RALYL: variants seen among roughly 807,000 people sequenced by gnomAD.
RALYL encodes the protein RNA-binding Raly-like protein.
In RALYL, 29 loss-of-function variants were observed where a neutral mutation model predicts 35.1. The ratio of observed to expected loss-of-function variants is 0.83; its 90% CI spans 0.61 to 1.13. The LOEUF (loss-of-function observed/expected upper bound fraction) is 1.13, where lower values mean the gene tolerates loss of function less well. Among genes scored for constraint, RALYL ranks in the 50% most tolerant of loss-of-function variants. RALYL has a pLI of 0.00. For synonymous variants in RALYL, 120 were observed against 127.6 expected (o/e 0.94, Z 0.40); for missense variants, 359 against 360.4 (o/e 1.00, Z 0.03).
At position 84,469,451 on chromosome 8, in the gene RALYL, G is replaced by T. The variant is rs893062920; in HGVS notation, c.-23-59848G>T. 2.0e-5 allele frequency among the ~76,000 whole-genome samples: 3 copies of T among 152,208 alleles called. No individual in the cohort carries two copies. The East Asian group carries it at 5.8e-4, about 29-fold the overall frequency. On this transcript the variant is annotated intron_variant, in intron 1 of 8. Coordinates refer to ENST00000521268, the MANE Select transcript of RALYL (RefSeq NM_173848.7). ...CTGGGGGGTGCCTCCCAGTTAGGCT[G>T]CTCGGGTGTCAGGGGACAGGGACCC...
chr8:84,593,012 C>T (rs1813636619), intron 2 of RALYL, among the ~76,000 whole-genome samples: 1 of 152,050 alleles, frequency 6.6e-6, no homozygotes. Context: ...TATATTAGAG[C>T]ACCAGCATTA....
At chr8:84,841,637 C>A (rs1393231874) in intron 4 of RALYL, among the ~76,000 whole-genome samples, 1 of 152,222 alleles carries the variant, frequency 6.6e-6, no homozygotes, top group East Asian at 1.9e-4. Context: ...ATCTACAGAA[C>A]TGTCTACCCC....
intron 2 of RALYL, among the ~76,000 whole-genome samples, chr8:84,582,009 G>A (rs1275461300): frequency 6.6e-6 from 1 of 152,096 alleles, no homozygotes; most frequent in Non-Finnish European, 1.5e-5. Flanking sequence ...TAAGTGTCCA[G>A]ATTGACAATA....
Position 84,242,299 on chromosome 8 carries a change from G to T in RALYL, c.-24+57875G>T, listed in dbSNP as rs2131580412. 1.3e-5 allele frequency among the ~76,000 whole-genome samples: 2 copies of T among 152,170 alleles called. 1 individual carries two copies. Among genetic ancestry groups the T allele is most frequent in the South Asian group, 4.2e-4 (2 of 4,812 alleles). On this transcript the variant is annotated intron_variant, in intron 1 of 8. Coordinates refer to ENST00000521268, the MANE Select transcript of RALYL (RefSeq NM_173848.7). ...CCATATTTTTGCTATTGTAAATAGT[G>T]CTGCAGTATACATGTGTCATTATAA...
chr8:84,189,610 G>A (rs1263147297), intron 1 of RALYL, among the ~76,000 whole-genome samples: 1 of 151,286 alleles, frequency 6.6e-6, no homozygotes, highest in African/African-American at 2.4e-5. Flanking sequence ...GAGACTTGGA[G>A]CTCAGAGCTC....
chr8:84,682,474 C>T (rs975677950), intron 2 of RALYL, among the ~76,000 whole-genome samples: 6 of 152,078 alleles, frequency 3.9e-5, no homozygotes, highest in African/African-American at 4.8e-5. Flanking sequence ...TGGTCCTGGA[C>T]GTTTTTTGGT....
chr8:84,798,776 C>T (rs1377064905), intron 3 of RALYL, among the ~76,000 whole-genome samples: 3 of 152,178 alleles, frequency 2.0e-5, no homozygotes, highest in African/African-American at 4.8e-5. Flanking sequence ...TCTAGTCTTT[C>T]AAAAGCTTGT....
chr8:84,735,423 C>A (rs149528215), intron 2 of RALYL, among the ~76,000 whole-genome samples: 72 of 152,140 alleles, frequency 4.7e-4, no homozygotes, highest in African/African-American at 1.3e-3. Context: ...TCTACAAATT[C>A]TATTATGCAT....
intron 1 of RALYL, among the ~76,000 whole-genome samples, chr8:84,501,351 TAG>T (rs2056637932): frequency 6.6e-6 from 1 of 152,254 alleles, no homozygotes; most frequent in African/African-American, 2.4e-5. Flanking sequence ...ACTTTCCACA[TAG>T]ATTTTCTAGA....
intron 1 of RALYL, among the ~76,000 whole-genome samples, chr8:84,275,592 A>G (rs185148878): frequency 6.6e-6 from 1 of 152,104 alleles, no homozygotes. Context: ...TATTGTTATT[A>G]TCTATAGTCA....
At chr8:84,899,372 A>G (rs575441743) in intron 8 of RALYL, among the ~76,000 whole-genome samples, 41 of 151,722 alleles carry the variant, frequency 2.7e-4, no homozygotes, top group Non-Finnish European at 4.7e-4. Context: ...TTCACTTTGT[A>G]TTTTTCCTCA....
chr8:84,253,196 T>G (rs1427834993), intron 1 of RALYL, among the ~76,000 whole-genome samples: 14 of 131,800 alleles, frequency 1.1e-4, no homozygotes, highest in Admixed American at 6.9e-4. Context: ...TTTTTTTTTT[T>G]TTTTTTTTTT....
intron 2 of RALYL, among the ~76,000 whole-genome samples, chr8:84,624,909 T>A (rs1822391255): frequency 6.6e-6 from 1 of 152,160 alleles, no homozygotes; most frequent in South Asian, 2.1e-4. Flanking sequence ...TCTGTGCCCA[T>A]AAGTAAACAT....
At chr8:84,401,122 T>TC (rs1340105974) in intron 1 of RALYL, among the ~76,000 whole-genome samples, 1 of 152,188 alleles carries the variant, frequency 6.6e-6, no homozygotes, top group African/African-American at 2.4e-5. Context: ...GACTGATTAA[T>TC]CATATTCCTG....
intron 1 of RALYL, among the ~76,000 whole-genome samples, chr8:84,416,525 A>T (rs1165741474): frequency 6.6e-6 from 1 of 152,246 alleles, no homozygotes; most frequent in Non-Finnish European, 1.5e-5. Flanking sequence ...CTGAAAGAAA[A>T]AGAGGGAAAC....
chr8:84,378,476 A>G (rs1857349517), intron 1 of RALYL, among the ~76,000 whole-genome samples: 1 of 151,966 alleles, frequency 6.6e-6, no homozygotes, highest in Non-Finnish European at 1.5e-5. Flanking sequence ...AATAAATAAT[A>G]TATGTACATT....
intron 1 of RALYL, among the ~76,000 whole-genome samples, chr8:84,313,853 T>A (rs1288968513): frequency 6.6e-6 from 1 of 152,198 alleles, no homozygotes; most frequent in Non-Finnish European, 1.5e-5. Flanking sequence ...TGTTCCAAAG[T>A]CTTCCTGTTA....
chr8:84,682,140 G>A (rs1835677015), intron 2 of RALYL, among the ~76,000 whole-genome samples: 1 of 152,090 alleles, frequency 6.6e-6, no homozygotes. Flanking sequence ...GCTGGATTAC[G>A]TTTATTGATT....
chr8:84,330,501 C>A (rs191249548), intron 1 of RALYL, among the ~76,000 whole-genome samples: 2 of 151,952 alleles, frequency 1.3e-5, no homozygotes, highest in Non-Finnish European at 2.9e-5. Flanking sequence ...TGGGAGGTGG[C>A]AAAATGCTGT....
Sources: allele counts gnomAD v4.1 joint callset (sites outside exome capture counted in the v4.1 genomes callset), GRCh38; gene constraint gnomAD v4.1.1; transcripts MANE v1.5; gene names NCBI Gene and HGNC (gene_info 2026-07-23, HGNC 2026-07-21).